Variants in PDPN observed in about 807,000 individuals in gnomAD.
The protein encoded by PDPN is podoplanin, also known as PA2.26 antigen.
In PDPN, 12 loss-of-function variants were observed where a neutral mutation model predicts 23.2. That is an observed-to-expected ratio of 0.52 (90% confidence interval 0.33 to 0.84). The LOEUF (loss-of-function observed/expected upper bound fraction) is 0.84, where lower values mean the gene tolerates loss of function less well. Among genes scored for constraint, PDPN ranks in the 40% least tolerant of loss-of-function variants. PDPN has a pLI of 0.02. For synonymous variants in PDPN, 77 were observed against 76.7 expected, an observed-to-expected ratio of 1.00 and a Z score of -0.02; for missense variants, 199 against 212.2, an observed-to-expected ratio of 0.94 and a Z score of 0.39.
intron 3 of PDPN, among the ~76,000 whole-genome samples, chr1:13,613,451 AAG>A (rs1640986241): frequency 6.6e-6 from 1 of 152,144 alleles, no homozygotes; most frequent in Non-Finnish European, 1.5e-5. Context: ...ATACGTAGAA[AAG>A]TGCTATGAAC....
At chr1:13,607,885 A>C (rs1020976558) in intron 2 of PDPN, among the ~76,000 whole-genome samples, 3 of 152,154 alleles carry the variant, frequency 2.0e-5, no homozygotes, top group Non-Finnish European at 4.4e-5. Context: ...CAGGTGGATC[A>C]CCTGAGGTCA....
intron 1 of PDPN, among the ~76,000 whole-genome samples, chr1:13,603,825 G>T (rs2100256219): frequency 6.6e-6 from 1 of 152,250 alleles, no homozygotes; most frequent in South Asian, 2.1e-4. Context: ...CTGACCTCGT[G>T]ATCCACCCAC....
At chr1:13,604,292 G>A (rs772039237) in intron 1 of PDPN, among the ~76,000 whole-genome samples, 2 of 152,170 alleles carry the variant, frequency 1.3e-5, no homozygotes, top group Admixed American at 6.5e-5. Context: ...CTGGAAACTC[G>A]GCAGCTGGCC....
At chr1:13,594,770 A>G (rs957016114) in intron 1 of PDPN, among the ~76,000 whole-genome samples, 33 of 151,850 alleles carry the variant, frequency 2.2e-4, no homozygotes, top group African/African-American at 8.0e-4. Context: ...GCGGATCACC[A>G]GGTCAGGAGA....
Position 13,614,385 on chromosome 1 carries a change from T to A in PDPN, c.456T>A (p.Val152=). The A allele has an allele frequency of 6.3e-7, 1 of 1,597,838 alleles. No individual in the cohort carries two copies. The highest frequency in any genetic ancestry group is 8.6e-7 in the Non-Finnish European group (1 of 1,165,196). The part of the protein sequence containing the change: ...IGFIGAIIVV[V]MRKMSGRYSP ...TCATTGGTGCAATCATCGTTGTGGT[T>A]ATGCGAAAAATGTCGGGAAGGTACT... Residue 152 remains valine, a synonymous_variant, in exon 5 of 6, where the codon GTT becomes GTA. Transcript: ENST00000621990.
chr1:13,592,058 T>C (rs1640361524), intron 1 of PDPN, among the ~76,000 whole-genome samples: 1 of 152,248 alleles, frequency 6.6e-6, no homozygotes, highest in Non-Finnish European at 1.5e-5. Flanking sequence ...ATTTTCCTAA[T>C]GATTAGTGAT....
intron 3 of PDPN, 112 bp downstream of exon 3, chr1:13,610,628 G>A: frequency 9.1e-7 from 1 of 1,103,518 alleles, no homozygotes; most frequent in African/African-American, 1.6e-5. Context: ...GGATGCAAGA[G>A]TGACTTCTGA....
intron 2 of PDPN, 122 bp from the exon 3 acceptor site, chr1:13,610,265 C>G (rs538969017): frequency 4.2e-6 from 3 of 716,198 alleles, no homozygotes; most frequent in East Asian, 2.8e-5. Context: ...CTTCTACTTG[C>G]AATTCATGCC....
chr1:13,595,152 A>T (rs1036575529), intron 1 of PDPN, among the ~76,000 whole-genome samples: 1 of 152,194 alleles, frequency 6.6e-6, no homozygotes, highest in Non-Finnish European at 1.5e-5. Context: ...AAAGATACAC[A>T]TGAGATTTCA....
chr1:13,612,885 C>T lies in PDPN; in HGVS notation c.332-802C>T, dbSNP rs1277102937. Among the ~76,000 whole-genome samples the T allele has an allele frequency of 3.1e-3, 22 of 7,056 alleles. No individual in the cohort carries two copies. The East Asian group carries it at 0.28, about 90-fold the overall frequency. 4.6% of individuals were successfully genotyped at this position (7,056 alleles called of 152,430 possible). On this transcript the variant is annotated intron_variant, in intron 3 of 5. Transcript: ENST00000621990. ...AGGGCAGGGCCTGATTGATGATTAA[C>T]TTCTAAATCAAGGCATCTTGACTTT...
At chr1:13,585,321 C>T (rs925001560) in intron 1 of PDPN, 1 of 317,248 alleles carries the variant, frequency 3.2e-6, no homozygotes, top group African/African-American at 2.2e-5. Flanking sequence ...TGACAGAGTT[C>T]TGCTCTATGC....
At chr1:13,598,170 C>A (rs906578596) in intron 1 of PDPN, among the ~76,000 whole-genome samples, 1 of 152,052 alleles carries the variant, frequency 6.6e-6, no homozygotes, top group Non-Finnish European at 1.5e-5. Flanking sequence ...CACAAGCCAC[C>A]ACGCCTGGCT....
intron 1 of PDPN, among the ~76,000 whole-genome samples, chr1:13,596,487 AG>A (rs1640500057): frequency 6.6e-6 from 1 of 152,202 alleles, no homozygotes; most frequent in South Asian, 2.1e-4. Flanking sequence ...GAAGGGGTGA[AG>A]GGGGAAAAAA....
intron 2 of PDPN, 94 bp downstream of exon 2, chr1:13,607,400 T>C (rs1442655339): frequency 1.5e-5 from 14 of 905,356 alleles, no homozygotes; most frequent in Non-Finnish European, 2.2e-5. Flanking sequence ...TAAAAATATA[T>C]CTATCTATAA....
intron 1 of PDPN, among the ~76,000 whole-genome samples, chr1:13,604,026 G>A (rs527504001): frequency 2.0e-5 from 3 of 152,316 alleles, no homozygotes; most frequent in Non-Finnish European, 4.4e-5. Context: ...ATGTGAGCAC[G>A]CTGGTACACC....
intron 1 of PDPN, chr1:13,596,083 C>T: frequency 3.0e-6 from 1 of 333,170 alleles, no homozygotes; most frequent in Middle Eastern, 1.1e-3. Flanking sequence ...CCTGTAATCC[C>T]AGCTACTTGA....
At chr1:13,601,966 CGGTGGCTCATGCCTTTG>C (rs869257833) in intron 1 of PDPN, among the ~76,000 whole-genome samples, 28,531 of 132,118 alleles carry the variant, frequency 0.22, 5,124 homozygotes, top group South Asian at 0.27. Context: ...AGGCCGGGTG[CGGTGGCTCATGCCTTTG>C]GGTGGCTCAT....
chr1:13,604,396 A>C (rs566318389), intron 1 of PDPN, among the ~76,000 whole-genome samples: 1 of 151,934 alleles, frequency 6.6e-6, no homozygotes, highest in Admixed American at 6.6e-5. Flanking sequence ...CCCATGGAGC[A>C]AAAAGAATGC....
intron 3 of PDPN, 63 bp downstream of exon 3, chr1:13,610,579 G>A (rs1640908695): frequency 6.5e-7 from 1 of 1,548,174 alleles, no homozygotes; most frequent in East Asian, 2.3e-5. Flanking sequence ...GCATTCCAAA[G>A]TCCATCAACA....
Sources: allele counts gnomAD v4.1 joint callset (sites outside exome capture counted in the v4.1 genomes callset), GRCh38; gene constraint gnomAD v4.1.1; transcripts MANE v1.5; gene names NCBI Gene and HGNC (gene_info 2026-07-23, HGNC 2026-07-21).